The following COL11A1 variants were observed in gnomAD, a reference collection of about 807,000 sequenced individuals.
COL11A1 encodes the protein collagen alpha-1(XI) chain.
A neutral mutation model predicts 265.2 loss-of-function variants in COL11A1; 74 were observed. The observed-to-expected ratio is 0.28, with a 90% CI of 0.23 to 0.34. The LOEUF is 0.34. Among genes scored for constraint, COL11A1 ranks in the 10% least tolerant of loss-of-function variants. COL11A1 has a pLI of 1.00. For synonymous variants in COL11A1, 816 were observed against 727.6 expected, an observed-to-expected ratio of 1.12 and a Z score of -1.96; for missense variants, 2,165 against 2,263.6, an observed-to-expected ratio of 0.96 and a Z score of 0.88.
chr1:103,073,275 C>G (rs1671721416), intron 4 of COL11A1, among the ~76,000 whole-genome samples: 1 of 151,744 alleles, frequency 6.6e-6, no homozygotes, highest in Non-Finnish European at 1.5e-5. Flanking sequence ...GTGCTTTTGT[C>G]TTACACATTT....
chr1:102,922,461 A>T (rs564800799), intron 47 of COL11A1, among the ~76,000 whole-genome samples: 1 of 152,202 alleles, frequency 6.6e-6, no homozygotes, highest in South Asian at 2.1e-4. Context: ...CAGTGGCGCG[A>T]TCTCGGCTCA....
rs1661305750 is a variant in COL11A1, at chr1:102,965,352, T to C, written c.2916+135A>G. 2.0e-5 allele frequency: 18 copies of C among 913,078 alleles called. No individual in the cohort carries two copies. In the South Asian group the frequency reaches 2.3e-4, roughly 12 times the overall value. The allele number at this position is 913,078 out of a possible 1,614,324, so 56.6% of individuals were successfully genotyped here. Reference sequence around the variant, plus strand: ...TCATTTGATGTACGAAAGCTGCATATATTTAAATGCAATCTGAAATAAAAA... The same window carrying C: ...TCATTTGATGTACGAAAGCTGCATACATTTAAATGCAATCTGAAATAAAAA... On this transcript the variant is annotated intron_variant, in intron 38 of 66. Transcript: ENST00000370096.
chr1:102,962,595 A>G (rs1661023404), intron 39 of COL11A1, 58 bp downstream of exon 39: 1 of 1,385,902 alleles, frequency 7.2e-7, no homozygotes, highest in South Asian at 1.2e-5. Context: ...AGGGGTGAGT[A>G]TAGTTAAACA....
intron 14 of COL11A1, 86 bp downstream of exon 14, chr1:103,012,327 G>T (rs779153594): frequency 9.5e-6 from 9 of 952,098 alleles, no homozygotes; most frequent in Admixed American, 1.8e-5. Context: ...ACCAACCATA[G>T]ATATGCACAA....
At chr1:103,080,394 A>G (rs546778823) in intron 2 of COL11A1, among the ~76,000 whole-genome samples, 1 of 152,102 alleles carries the variant, frequency 6.6e-6, no homozygotes, top group South Asian at 2.1e-4. Context: ...AACCTTTAGA[A>G]CAGGAGAAAA....
intron 38 of COL11A1, among the ~76,000 whole-genome samples, chr1:102,964,605 T>TGTGC (rs1661226878): frequency 6.6e-6 from 1 of 151,620 alleles, no homozygotes; most frequent in South Asian, 2.1e-4. Flanking sequence ...TGTGTGTGTG[T>TGTGC]GTGTGTATGT....
intron 41 of COL11A1, among the ~76,000 whole-genome samples, chr1:102,951,728 C>T (rs1271473507): frequency 6.6e-6 from 1 of 151,084 alleles, no homozygotes; most frequent in Non-Finnish European, 1.5e-5. Flanking sequence ...GGCAACGGAG[C>T]CAGACTCCGT....
intron 66 of COL11A1, among the ~76,000 whole-genome samples, chr1:102,878,559 A>G (rs1473310172): frequency 1.5e-5 from 2 of 130,654 alleles, no homozygotes; most frequent in African/African-American, 5.7e-5. Context: ...TCTGTTGCTC[A>G]GGCTGGAGAG....
chr1:102,878,231 T>G lies in COL11A1; in HGVS notation c.5275-66A>C, dbSNP rs1570602900. Reference sequence around the variant, plus strand: ...AATATTTTTAAATGCATCTTATTTTTTCTTGGGCTTCTGAGTGGAGGTAAG... The same window carrying G: ...AATATTTTTAAATGCATCTTATTTTGTCTTGGGCTTCTGAGTGGAGGTAAG... On this transcript the variant is annotated intron_variant, in intron 66 of 66. Transcript: ENST00000370096. 1.5e-5 allele frequency: 21 copies of G among 1,435,156 alleles called. No individual in the cohort carries two copies. In the East Asian group the frequency reaches 5.2e-4, roughly 36 times the overall value. 88.9% of individuals were successfully genotyped at this position (1,435,156 alleles called of 1,614,324 possible).
At chr1:103,088,447 G>A (rs1673046224) in intron 1 of COL11A1, among the ~76,000 whole-genome samples, 2 of 152,026 alleles carry the variant, frequency 1.3e-5, no homozygotes, top group South Asian at 4.1e-4. Flanking sequence ...AGACCTCCTT[G>A]CTGCCTATTT....
At chr1:102,985,905 C>T (rs1281178680) in intron 30 of COL11A1, among the ~76,000 whole-genome samples, 5 of 152,082 alleles carry the variant, frequency 3.3e-5, no homozygotes, top group Non-Finnish European at 5.9e-5. Context: ...TATAACATTG[C>T]TCATTAATTT....
In COL11A1 at chr1:103,008,460, T is replaced by G; in HGVS notation, c.1683+3A>C. 1 of 1,613,610 alleles carries G rather than the reference T, an allele frequency of 6.2e-7. No homozygotes were observed. The highest frequency in any genetic ancestry group is 8.5e-7 in the Non-Finnish European group (1 of 1,179,624). On this transcript the variant is annotated splice_donor_region_variant and intron_variant, in intron 15 of 66. Coordinates refer to ENST00000370096, the MANE Select transcript of COL11A1 (RefSeq NM_001854.4). ...AATAAAAAGTCAAATTTTTATTTTT[T>G]ACCTGAGGACCTGGATCACCACTCT...
intron 5 of COL11A1, among the ~76,000 whole-genome samples, chr1:103,030,683 C>A (rs1161031381): frequency 1.3e-5 from 2 of 152,028 alleles, no homozygotes; most frequent in African/African-American, 4.8e-5. Flanking sequence ...TCAACACAGC[C>A]TGAAAACTTT....
chr1:102,989,641 A>G lies in COL11A1; in HGVS notation c.2341-70T>C, dbSNP rs1570959074. The G allele has an allele frequency of 3.6e-6, 4 of 1,106,354 alleles. No individual in the cohort carries two copies. The East Asian group carries it at 7.1e-5, about 20-fold the overall frequency. The allele number at this position is 1,106,354 out of a possible 1,614,324, so 68.5% of individuals were successfully genotyped here. Reference sequence around the variant, plus strand: ...TTGGAGTAACCTAAAATATTGCTATAAAAATTTATGTGCTGATAACGAGGG... The same window carrying G: ...TTGGAGTAACCTAAAATATTGCTATGAAAATTTATGTGCTGATAACGAGGG... On this transcript the variant is annotated intron_variant, in intron 28 of 66. Transcript: ENST00000370096.
Position 102,978,903 on chromosome 1 carries a change from C to A in COL11A1, c.2666G>T (p.Gly889Val), listed in dbSNP as rs1662766850. 6.2e-7 allele frequency: 1 copy of A among 1,614,156 alleles called. No homozygotes were observed. The highest frequency in any genetic ancestry group is 8.5e-7 in the Non-Finnish European group (1 of 1,180,014). Reference sequence around the variant, plus strand: ...AGTGGGACCTCTTGCACCTCTTGAACCTCGAGGACCCTGCAGATGAGAACA... The same window carrying A: ...AGTGGGACCTCTTGCACCTCTTGAAACTCGAGGACCCTGCAGATGAGAACA... ...RGQRGPTGPR[G>V]SRGARGPTGK... Residue 889 changes from glycine to valine, a missense_variant, in exon 34 of 67, where the codon GGT becomes GTT. By Grantham distance (109) the Gly-to-Val change is moderately radical (BLOSUM62 -3). Transcript: ENST00000370096.
At chr1:103,041,181 A>G (rs1668784906) in intron 4 of COL11A1, among the ~76,000 whole-genome samples, 1 of 151,876 alleles carries the variant, frequency 6.6e-6, no homozygotes, top group Non-Finnish European at 1.5e-5. Flanking sequence ...TTTACATTTT[A>G]TTTCATAGTA....
intron 41 of COL11A1, among the ~76,000 whole-genome samples, chr1:102,950,880 A>T (rs960776940): frequency 6.6e-6 from 1 of 152,058 alleles, no homozygotes; most frequent in Non-Finnish European, 1.5e-5. Flanking sequence ...AGTTTCCCCC[A>T]TGCTGTTCTC....
At chr1:103,012,307 C>T (rs1005529682) in intron 14 of COL11A1, 106 bp downstream of exon 14, 21 of 804,632 alleles carry the variant, frequency 2.6e-5, no homozygotes, top group South Asian at 1.0e-4. Context: ...TGAAAACATA[C>T]CCTATTGTCA....
intron 4 of COL11A1, among the ~76,000 whole-genome samples, chr1:103,046,246 G>T (rs1232242109): frequency 9.7e-6 from 1 of 103,200 alleles, no homozygotes; most frequent in East Asian, 3.1e-4. Flanking sequence ...CAGTGTAAAA[G>T]TGTTCCTATT....
Sources: gnomAD v4.1 joint callset for allele counts (sites outside exome capture counted in the v4.1 genomes callset) on GRCh38, gnomAD v4.1.1 for gene constraint, MANE v1.5 for transcripts, NCBI Gene and HGNC (gene_info 2026-07-23, HGNC 2026-07-21) for gene names.